CDH4: variants seen among roughly 807,000 people sequenced by gnomAD.
CDH4 encodes the protein cadherin-4.
A neutral mutation model predicts 86.0 loss-of-function variants in CDH4; 33 were observed. The ratio of observed to expected loss-of-function variants is 0.38; its 90% confidence interval spans 0.29 to 0.51. The LOEUF is 0.51. Ranked by LOEUF, CDH4 falls within the 20% of genes least tolerant of loss-of-function variation. The pLI is 0.86. For synonymous variants in CDH4, 555 were observed against 549.4 expected (o/e 1.01, Z -0.14); for missense variants, 1,114 against 1,307.4 (o/e 0.85, Z 2.28).
chr20:61,692,390 C>T (rs1308026802), intron 2 of CDH4, among the ~76,000 whole-genome samples: 1 of 152,070 alleles, frequency 6.6e-6, no homozygotes, highest in Non-Finnish European at 1.5e-5. Context: ...TTTATTATTT[C>T]CAAAGGCATC....
intron 2 of CDH4, among the ~76,000 whole-genome samples, chr20:61,364,794 A>G (rs1438863710): frequency 6.6e-6 from 1 of 152,370 alleles, no homozygotes; most frequent in East Asian, 1.9e-4. Flanking sequence ...CCTCAGCAGA[A>G]GACGATGAGA....
At chr20:61,557,867 A>G (rs2086189359) in intron 2 of CDH4, among the ~76,000 whole-genome samples, 1 of 151,930 alleles carries the variant, frequency 6.6e-6, no homozygotes. Flanking sequence ...GATTTTAGGA[A>G]TTAGGCCTCT....
intron 5 of CDH4, 60 bp downstream of exon 5, chr20:61,844,883 G>A: frequency 6.5e-7 from 1 of 1,530,006 alleles, no homozygotes; most frequent in East Asian, 2.3e-5. Context: ...GCCCTACCAG[G>A]CCTTGGCAGG....
At chr20:61,275,813 G>A (rs999552874) in intron 2 of CDH4, among the ~76,000 whole-genome samples, 7 of 152,126 alleles carry the variant, frequency 4.6e-5, no homozygotes, top group Non-Finnish European at 8.8e-5. Flanking sequence ...GGGGGTGGAA[G>A]CAAACACTTA....
intron 9 of CDH4, 121 bp downstream of exon 9, chr20:61,910,728 T>G: frequency 1.1e-6 from 1 of 922,584 alleles, no homozygotes; most frequent in Non-Finnish European, 1.6e-6. Flanking sequence ...TATCCAAGGG[T>G]AGAGGCAGGT....
At chr20:61,284,419 A>G (rs2084282137) in intron 2 of CDH4, among the ~76,000 whole-genome samples, 1 of 152,110 alleles carries the variant, frequency 6.6e-6, no homozygotes, top group Non-Finnish European at 1.5e-5. Context: ...AAACACAGAG[A>G]TTCACTGGGG....
In CDH4 at chr20:61,702,983, G is replaced by T. The variant is rs183247788; in HGVS notation, c.170-40580G>T. Among the ~76,000 whole-genome samples the T allele has an allele frequency of 1.2e-4, 19 of 152,316 alleles. No individual in the cohort carries two copies. In the East Asian group the frequency reaches 3.7e-3, roughly 29 times the overall value. On this transcript the variant is annotated intron_variant, in intron 2 of 15. Coordinates refer to ENST00000614565, the MANE Select transcript of CDH4 (RefSeq NM_001794.5). Reference sequence around the variant, plus strand: ...AGGCTGTGTGCGTGCGGCCCTGAGGGTGTGAAGACTTCCTCAACAAGCCTT... The same window carrying T: ...AGGCTGTGTGCGTGCGGCCCTGAGGTTGTGAAGACTTCCTCAACAAGCCTT...
chr20:61,890,166 TG>T, intron 7 of CDH4, among the ~76,000 whole-genome samples: 1 of 118,568 alleles, frequency 8.4e-6, no homozygotes, highest in East Asian at 2.3e-4. Context: ...GATGGGTGAA[TG>T]GATGGTTGGA....
At chr20:61,926,273 G>A (rs946872322) in intron 11 of CDH4, among the ~76,000 whole-genome samples, 38 of 152,254 alleles carry the variant, frequency 2.5e-4, no homozygotes, top group Non-Finnish European at 5.1e-4. Context: ...AGGAAACGGT[G>A]TGTGCAAAGG....
chr20:61,733,642 A>G (rs901909487), intron 2 of CDH4, among the ~76,000 whole-genome samples: 13 of 149,580 alleles, frequency 8.7e-5, no homozygotes, highest in East Asian at 2.3e-4. Context: ...CGATGGATGG[A>G]TGAATGGAAG....
intron 6 of CDH4, among the ~76,000 whole-genome samples, chr20:61,857,984 A>T (rs1349420431): frequency 0.067 from 4,496 of 66,720 alleles, no homozygotes; most frequent in Middle Eastern, 0.13. Flanking sequence ...TCTGTGTCTG[A>T]GTGTGTGTGT....
chr20:61,886,129 G>A (rs1276956799), intron 7 of CDH4, among the ~76,000 whole-genome samples: 1 of 152,204 alleles, frequency 6.6e-6, no homozygotes, highest in African/African-American at 2.4e-5. Flanking sequence ...AGGTGGGGGA[G>A]GCGTGCTTGC....
intron 2 of CDH4, among the ~76,000 whole-genome samples, chr20:61,565,089 CTCTTGG>C (rs1391590056): frequency 6.2e-5 from 4 of 64,864 alleles, no homozygotes; most frequent in Non-Finnish European, 9.2e-5. Flanking sequence ...GGTGGTGGTG[CTCTTGG>C]TGGTGCTCTT....
chr20:61,636,412 C>T (rs986248220), intron 2 of CDH4, among the ~76,000 whole-genome samples: 4 of 152,248 alleles, frequency 2.6e-5, no homozygotes, highest in African/African-American at 7.2e-5. Flanking sequence ...CCTGCTAGGG[C>T]TCTTGTTCCA....
chr20:61,677,188 C>T (rs527404122), intron 2 of CDH4, among the ~76,000 whole-genome samples: 2 of 152,300 alleles, frequency 1.3e-5, no homozygotes, highest in East Asian at 3.9e-4. Context: ...GTGGAGCTGG[C>T]TGGAGTAGGG....
At chr20:61,659,960 G>A (rs1241501454) in intron 2 of CDH4, among the ~76,000 whole-genome samples, 3 of 152,132 alleles carry the variant, frequency 2.0e-5, no homozygotes, top group Admixed American at 6.5e-5. Context: ...CTCTGTTCCT[G>A]AGTTGTCTAT....
intron 2 of CDH4, among the ~76,000 whole-genome samples, chr20:61,577,334 G>C (rs1232561135): frequency 1.3e-5 from 2 of 152,030 alleles, no homozygotes; most frequent in Admixed American, 6.5e-5. Flanking sequence ...TGGATGTTTT[G>C]TGTGTTGAAG....
At chr20:61,714,085 C>T (rs1448470053) in intron 2 of CDH4, among the ~76,000 whole-genome samples, 1 of 135,574 alleles carries the variant, frequency 7.4e-6, no homozygotes, top group East Asian at 2.1e-4. Flanking sequence ...CTCACTCTGT[C>T]GCCCAGGCTG....
At chr20:61,535,095 G>A (rs1227970187) in intron 2 of CDH4, among the ~76,000 whole-genome samples, 1 of 152,230 alleles carries the variant, frequency 6.6e-6, no homozygotes, top group Admixed American at 6.5e-5. Context: ...TCCCTCCAAG[G>A]GGCATGGATG....
Sources: gnomAD v4.1 joint callset for allele counts (sites outside exome capture counted in the v4.1 genomes callset) on GRCh38, gnomAD v4.1.1 for gene constraint, MANE v1.5 for transcripts, NCBI Gene and HGNC (gene_info 2026-07-23, HGNC 2026-07-21) for gene names.